SYNDIG1L: variants seen among roughly 807,000 people sequenced by gnomAD.
SYNDIG1L encodes synapse differentiation inducing 1 like, also known as synapse differentiation-inducing gene protein 1-like.
SYNDIG1L carries 13 observed loss-of-function variants against 20.1 expected under a neutral mutation model. That is an observed-to-expected ratio of 0.65 (90% CI 0.42 to 1.03). The LOEUF is 1.03. Ranked by LOEUF, SYNDIG1L falls within the 50% of genes least tolerant of loss-of-function variation. The pLI, the probability that SYNDIG1L is intolerant of heterozygous loss-of-function variation, is 0.00. For missense variants in SYNDIG1L, 294 were observed against 305.1 expected (o/e 0.96, Z 0.27); for synonymous variants, 128 against 129.3 (o/e 0.99, Z 0.07).
chr14:74,479,164 A>G, the SYNDIG1L span: 1 of 152,216 alleles, frequency 6.6e-6, no homozygotes, highest in Non-Finnish European at 1.5e-5. Flanking sequence ...ACTGGCTCCT[A>G]GCATTAACTA....
chr14:74,424,781 G>A (rs1465359382), intron 1 of SYNDIG1L, among the ~76,000 whole-genome samples: 1 of 152,150 alleles, frequency 6.6e-6, no homozygotes, highest in African/African-American at 2.4e-5. Context: ...GCGCACACTG[G>A]TATGGAGATG....
chr14:74,419,384 T>C (rs545744641), intron 1 of SYNDIG1L, among the ~76,000 whole-genome samples: 2 of 152,312 alleles, frequency 1.3e-5, no homozygotes, highest in Non-Finnish European at 2.9e-5. Context: ...AGGCACTCAA[T>C]AGACAGTGGA....
At chr14:74,449,438 CAAAAAAAAAAAA>C in the SYNDIG1L span, among the ~76,000 whole-genome samples, 6 of 34,000 alleles carry the variant, frequency 1.8e-4, 1 homozygote, top group Admixed American at 3.8e-4. Context: ...CCTGTCTTTA[CAAAAAAAAAAAA>C]AAAAAAAAAA....
rs373154598 is a variant in SYNDIG1L, at chr14:74,424,659, G to A, written c.-58+1253C>T. On this transcript the variant is annotated intron_variant, in intron 1 of 3. Coordinates refer to ENST00000331628, the MANE Select transcript of SYNDIG1L (RefSeq NM_001105579.2). ...GGCTTCACTGATTCTGGGACCCCAC[G>A]GTGGCCAAGGACAAAGGGAGACATG... is the stretch of plus-strand genomic sequence containing the variant. Among the ~76,000 whole-genome samples the A allele has an allele frequency of 1.7e-4, 26 of 152,280 alleles. No individual in the cohort carries two copies. The South Asian group carries it at 3.7e-3, about 22-fold the overall frequency.
At chr14:74,422,718 CT>C (rs59543139) in intron 1 of SYNDIG1L, among the ~76,000 whole-genome samples, 202 of 141,258 alleles carry the variant, frequency 1.4e-3, no homozygotes, top group Admixed American at 1.7e-3. Context: ...TCCTTTCTCT[CT>C]TTTTTTTTTT....
At chr14:74,466,527 C>T in the SYNDIG1L span, among the ~76,000 whole-genome samples, 8 of 152,182 alleles carry the variant, frequency 5.3e-5, no homozygotes, top group East Asian at 1.9e-4. Flanking sequence ...TAAGAGGGGA[C>T]GAGATAAGTG....
At chr14:74,414,663 A>G (rs747658828) in intron 1 of SYNDIG1L, among the ~76,000 whole-genome samples, 5 of 152,240 alleles carry the variant, frequency 3.3e-5, no homozygotes, top group Non-Finnish European at 7.3e-5. Flanking sequence ...ACTCAGCTCA[A>G]TATGACTCTA....
chr14:74,454,109 A>T, the SYNDIG1L span, among the ~76,000 whole-genome samples: 1 of 152,224 alleles, frequency 6.6e-6, no homozygotes, highest in Non-Finnish European at 1.5e-5. Flanking sequence ...GAATGGCAGA[A>T]CTGGCCCAAA....
chr14:74,416,119 T>G (rs1212665635), intron 1 of SYNDIG1L, among the ~76,000 whole-genome samples: 2 of 152,208 alleles, frequency 1.3e-5, no homozygotes, highest in Admixed American at 6.5e-5. Flanking sequence ...CTTTAAGGAA[T>G]GTCAGAATTG....
chr14:74,415,653 T>C (rs1395259414), intron 1 of SYNDIG1L, among the ~76,000 whole-genome samples: 10 of 152,018 alleles, frequency 6.6e-5, no homozygotes, highest in African/African-American at 2.4e-4. Context: ...GATTCTCCTA[T>C]CTCAACCTCC....
the SYNDIG1L span, chr14:74,479,269 T>C: frequency 6.6e-6 from 1 of 152,228 alleles, no homozygotes; most frequent in Non-Finnish European, 1.5e-5. Context: ...TCCAAGGGTC[T>C]AGTGAAATTA....
At chr14:74,466,096 G>A in the SYNDIG1L span, among the ~76,000 whole-genome samples, 6 of 152,266 alleles carry the variant, frequency 3.9e-5, no homozygotes, top group South Asian at 6.2e-4. Context: ...CTTCCCATTC[G>A]GCCAGCCAGG....
At chr14:74,447,414 C>T in the SYNDIG1L span, among the ~76,000 whole-genome samples, 1 of 152,000 alleles carries the variant, frequency 6.6e-6, no homozygotes, top group African/African-American at 2.4e-5. Flanking sequence ...TGGTGAAACC[C>T]CGTGTCTAAT....
the SYNDIG1L span, among the ~76,000 whole-genome samples, chr14:74,464,291 A>G: frequency 0.029 from 4,433 of 152,202 alleles, 123 homozygotes; most frequent in African/African-American, 0.069. Flanking sequence ...TGATGCGCCC[A>G]TGCTGGCTTA....
At chr14:74,447,586 CA>C in the SYNDIG1L span, among the ~76,000 whole-genome samples, 12,692 of 131,414 alleles carry the variant, frequency 0.097, 584 homozygotes, top group African/African-American at 0.12. Flanking sequence ...AACTCTGTCT[CA>C]AAAAAAAAAA....
chr14:74,432,170 TGTGTGTGTGTGA>T, the SYNDIG1L span, among the ~76,000 whole-genome samples: 2 of 143,868 alleles, frequency 1.4e-5, no homozygotes, highest in East Asian at 2.2e-4. Context: ...TGTGTGTGTG[TGTGTGTGTGTGA>T]GAGAGAGAGA....
the SYNDIG1L span, among the ~76,000 whole-genome samples, chr14:74,460,467 A>G: frequency 6.6e-6 from 1 of 152,034 alleles, no homozygotes; most frequent in East Asian, 1.9e-4. Flanking sequence ...CTGGAATGTT[A>G]GATCCAAATT....
At chr14:74,468,458 C>T in the SYNDIG1L span, among the ~76,000 whole-genome samples, 1 of 152,014 alleles carries the variant, frequency 6.6e-6, no homozygotes, top group Non-Finnish European at 1.5e-5. Flanking sequence ...ACCTTCCTAC[C>T]TCCCTTCTCG....
At chr14:74,421,706 C>G (rs111466987) in intron 1 of SYNDIG1L, among the ~76,000 whole-genome samples, 1 of 151,770 alleles carries the variant, frequency 6.6e-6, no homozygotes, top group Admixed American at 6.6e-5. Flanking sequence ...GTGTTCAGGG[C>G]GGGAAAGAGA....
Sources: gnomAD v4.1 joint callset for allele counts (sites outside exome capture counted in the v4.1 genomes callset) on GRCh38, gnomAD v4.1.1 for gene constraint, MANE v1.5 for transcripts, NCBI Gene and HGNC (gene_info 2026-07-23, HGNC 2026-07-21) for gene names.